The following ASCC1 variants were observed in gnomAD, a reference collection of about 807,000 sequenced individuals.
ASCC1 encodes activating signal cointegrator 1 complex subunit 1, also known as ASC-1 complex subunit P50.
ASCC1 carries 35 observed loss-of-function variants against 46.6 expected under a neutral mutation model. The observed-to-expected ratio is 0.75, with a 90% confidence interval of 0.57 to 0.99. ASCC1 has a LOEUF of 0.99. ASCC1 is among the 50% of genes least tolerant of loss of function. The pLI is 0.00. For missense variants in ASCC1, 376 were observed against 428.7 expected, an observed-to-expected ratio of 0.88 and a Z score of 1.09; for synonymous variants, 143 against 146.6, an observed-to-expected ratio of 0.98 and a Z score of 0.18.
At chr10:72,139,102 TTTTTTC>T (rs1316934010) in intron 7 of ASCC1, among the ~76,000 whole-genome samples, 1 of 150,870 alleles carries the variant, frequency 6.6e-6, no homozygotes, top group Non-Finnish European at 1.5e-5. Context: ...ACTATATTTC[TTTTTTC>T]TTTTTCTTTT....
At chr10:72,144,408 T>C (rs926426422) in intron 7 of ASCC1, among the ~76,000 whole-genome samples, 2 of 152,202 alleles carry the variant, frequency 1.3e-5, no homozygotes, top group Non-Finnish European at 2.9e-5. Flanking sequence ...TAAAAGCATA[T>C]AACTTAATTT....
chr10:72,172,589 G>A (rs1048644246), intron 5 of ASCC1, among the ~76,000 whole-genome samples: 29 of 146,804 alleles, frequency 2.0e-4, no homozygotes, highest in Non-Finnish European at 3.6e-4. Flanking sequence ...CAAGTGATCC[G>A]CTGGCCTCAG....
intron 9 of ASCC1, among the ~76,000 whole-genome samples, chr10:72,121,685 C>G (rs1844227260): frequency 6.6e-6 from 1 of 152,176 alleles, no homozygotes; most frequent in South Asian, 2.1e-4. Context: ...AAAAGATCAA[C>G]TGTCCAAGAA....
chr10:72,136,201 C>T (rs1289357723), intron 7 of ASCC1, among the ~76,000 whole-genome samples: 1 of 151,954 alleles, frequency 6.6e-6, no homozygotes, highest in Non-Finnish European at 1.5e-5. Flanking sequence ...AGCTGGACTT[C>T]CTGGGTTGAA....
intron 5 of ASCC1, among the ~76,000 whole-genome samples, chr10:72,186,030 A>C (rs1853402241): frequency 6.6e-6 from 1 of 152,164 alleles, no homozygotes; most frequent in Non-Finnish European, 1.5e-5. Flanking sequence ...GGATTGATTA[A>C]ATAAACTAAG....
At chr10:72,216,519 G>T (rs1490002709), upstream of ASCC1, among the ~76,000 whole-genome samples, 1 of 132,392 alleles carries the variant, frequency 7.6e-6, no homozygotes, top group Non-Finnish European at 1.5e-5. Flanking sequence ...CATCTATTTG[G>T]TTTGGGTTGT....
intron 8 of ASCC1, among the ~76,000 whole-genome samples, chr10:72,129,308 T>C (rs1207316695): frequency 1.3e-5 from 2 of 152,166 alleles, no homozygotes; most frequent in South Asian, 2.1e-4. Context: ...ACAACACAAA[T>C]GTCCACCAAT....
intron 7 of ASCC1, among the ~76,000 whole-genome samples, chr10:72,144,688 A>G (rs1847428481): frequency 1.3e-5 from 2 of 152,104 alleles, no homozygotes; most frequent in African/African-American, 4.8e-5. Flanking sequence ...AAGTTAATTA[A>G]TATCTTAATA....
At chr10:72,210,596 C>T in intron 3 of ASCC1, 136 bp downstream of exon 3, 1 of 721,834 alleles carries the variant, frequency 1.4e-6, no homozygotes. Flanking sequence ...AGTCCTTTGA[C>T]ATTTCAGGAC....
At chr10:72,144,270 T>C (rs78056052) in intron 7 of ASCC1, among the ~76,000 whole-genome samples, 6,583 of 152,274 alleles carry the variant, frequency 0.043, 412 homozygotes, top group African/African-American at 0.13. Flanking sequence ...CCACCACAGC[T>C]GGCTGCATTT....
At chr10:72,115,044 CT>C (rs1439969020) in intron 9 of ASCC1, among the ~76,000 whole-genome samples, 2 of 152,108 alleles carry the variant, frequency 1.3e-5, no homozygotes, top group African/African-American at 4.8e-5. Flanking sequence ...AAAAACTATT[CT>C]TGGTTAGAGG....
chr10:72,175,756 G>A (rs991037080), intron 5 of ASCC1, among the ~76,000 whole-genome samples: 7 of 152,178 alleles, frequency 4.6e-5, no homozygotes, highest in African/African-American at 1.7e-4. Flanking sequence ...TGAGCACAAA[G>A]AATCCTTCAG....
chr10:72,202,382 C>A (rs995539425), intron 4 of ASCC1, among the ~76,000 whole-genome samples: 1 of 151,804 alleles, frequency 6.6e-6, no homozygotes, highest in African/African-American at 2.4e-5. Context: ...GCAGGAGAAT[C>A]GCTTGAACCT....
At chr10:72,147,319 T>A (rs1239996690) in intron 7 of ASCC1, among the ~76,000 whole-genome samples, 1 of 152,116 alleles carries the variant, frequency 6.6e-6, no homozygotes, top group Non-Finnish European at 1.5e-5. Flanking sequence ...TGTGTCACGA[T>A]CTTGGCTCAC....
At chr10:72,210,865 A>G in intron 2 of ASCC1, 34 bp from the exon 3 acceptor site, 1 of 1,603,374 alleles carries the variant, frequency 6.2e-7, no homozygotes, top group Non-Finnish European at 8.5e-7. Flanking sequence ...ACTCAGAAAC[A>G]ATGTTGCTCT....
chr10:72,172,520 T>C (rs926308633), intron 5 of ASCC1, among the ~76,000 whole-genome samples: 1 of 149,506 alleles, frequency 6.7e-6, no homozygotes, highest in Admixed American at 6.7e-5. Flanking sequence ...TTTTTTCTTT[T>C]TCTTTTGTAG....
intron 5 of ASCC1, chr10:72,189,883 C>A: frequency 1.7e-6 from 1 of 583,382 alleles, no homozygotes; most frequent in Non-Finnish European, 3.1e-6. Context: ...TCTGTCTTCA[C>A]TATAAGATTA....
intron 7 of ASCC1, among the ~76,000 whole-genome samples, chr10:72,136,318 TAAACGCACCAATCAGCACTCTATGA>T (rs1320616178): frequency 6.6e-6 from 1 of 152,044 alleles, no homozygotes; most frequent in Non-Finnish European, 1.5e-5. Flanking sequence ...TAAAGGATTG[TAAACGCACCAATCAGCACTCTATGA>T]AAACGCACCA....
At chr10:72,189,710 G>A (rs1306044149) in intron 5 of ASCC1, among the ~76,000 whole-genome samples, 2 of 149,760 alleles carry the variant, frequency 1.3e-5, no homozygotes, top group Non-Finnish European at 2.9e-5. Flanking sequence ...GTTGAGGCAG[G>A]AGAATCGCTT....
Sources: allele counts gnomAD v4.1 joint callset (sites outside exome capture counted in the v4.1 genomes callset), GRCh38; gene constraint gnomAD v4.1.1; transcripts MANE v1.5; gene names NCBI Gene and HGNC (gene_info 2026-07-23, HGNC 2026-07-21).